Variants in KCTD5 observed in about 807,000 individuals in gnomAD.
KCTD5 encodes BTB/POZ domain-containing protein KCTD5.
A neutral mutation model predicts 27.9 loss-of-function variants in KCTD5; 12 were observed. The ratio of observed to expected loss-of-function variants is 0.43; its 90% confidence interval spans 0.28 to 0.70. The LOEUF is 0.70. Ranked by LOEUF, KCTD5 falls within the 30% of genes least tolerant of loss-of-function variation. The pLI, the probability that KCTD5 is intolerant of heterozygous loss-of-function variation, is 0.19. For missense variants in KCTD5, 226 were observed against 274.8 expected (o/e 0.82, Z 1.26); for synonymous variants, 147 against 121.4 (o/e 1.21, Z -1.39).
chr16:2,699,947 C>T (rs2067603813), intron 4 of KCTD5, 31 bp downstream of exon 4: 1 of 1,587,654 alleles, frequency 6.3e-7, no homozygotes. Context: ...TGGTGGCAGC[C>T]ATGCTGCAGC....
chr16:2,696,620 G>T (rs1284191807), intron 2 of KCTD5, among the ~76,000 whole-genome samples: 1 of 152,176 alleles, frequency 6.6e-6, no homozygotes, highest in African/African-American at 2.4e-5. Flanking sequence ...TCGAGGCCTC[G>T]CCGTGAAGGC....
intron 5 of KCTD5, among the ~76,000 whole-genome samples, chr16:2,704,100 C>T (rs994609803): frequency 1.3e-5 from 2 of 152,218 alleles, no homozygotes; most frequent in African/African-American, 2.4e-5. Flanking sequence ...AGGCATGACC[C>T]CAAATCCCTT....
chr16:2,700,677 C>T (rs2067607662), intron 4 of KCTD5, among the ~76,000 whole-genome samples: 1 of 152,348 alleles, frequency 6.6e-6, no homozygotes, highest in South Asian at 2.1e-4. Flanking sequence ...GGGGCAGGTT[C>T]TGTCCATGGC....
At chr16:2,687,358 C>A (rs1487782570) in intron 1 of KCTD5, among the ~76,000 whole-genome samples, 2 of 152,234 alleles carry the variant, frequency 1.3e-5, no homozygotes, top group African/African-American at 2.4e-5. Context: ...GCATTCTCGC[C>A]TCCAGACTTC....
intron 3 of KCTD5, 30 bp downstream of exon 3, chr16:2,698,027 G>T: frequency 6.6e-7 from 1 of 1,522,638 alleles, no homozygotes; most frequent in Non-Finnish European, 9.1e-7. Flanking sequence ...CTGGAAGCTT[G>T]TATGGCTGGT....
Position 2,707,278 on chromosome 16 carries a change from A to T in KCTD5, c.676-20A>T. On this transcript the variant is annotated intron_variant, in intron 5 of 5. Transcript: ENST00000301738. ...CCTCCTCAGCCCAAGTCCTCATTTT[A>T]TGCATTTGGTGTTTTTCAGATTTTG... is the stretch of plus-strand genomic sequence containing the variant. 5 of 1,612,152 alleles carry T rather than the reference A, an allele frequency of 3.1e-6. No homozygotes were observed. Among genetic ancestry groups the T allele is most frequent in the Non-Finnish European group, 4.2e-6 (5 of 1,178,402 alleles).
intron 1 of KCTD5, among the ~76,000 whole-genome samples, chr16:2,687,547 A>G (rs1187809760): frequency 6.6e-6 from 1 of 152,246 alleles, no homozygotes; most frequent in Non-Finnish European, 1.5e-5. Flanking sequence ...GAATGCAGAG[A>G]TGCCCATTTG....
At chr16:2,704,711 T>C (rs2067627333) in intron 5 of KCTD5, among the ~76,000 whole-genome samples, 1 of 152,124 alleles carries the variant, frequency 6.6e-6, no homozygotes, top group Non-Finnish European at 1.5e-5. Flanking sequence ...GATGGGTGCA[T>C]CCACCGCCTG....
At chr16:2,700,900 T>C (rs2067609028) in intron 4 of KCTD5, among the ~76,000 whole-genome samples, 1 of 151,358 alleles carries the variant, frequency 6.6e-6, no homozygotes, top group Non-Finnish European at 1.5e-5. Flanking sequence ...GTCTCTGTGC[T>C]GACAGGGCTG....
Position 2,683,043 on chromosome 16 carries a change from G to A in KCTD5, c.252+243G>A, listed in dbSNP as rs2142049913. ...TGAGGATCCTGAGTCGATTCACCTT[G>A]GGGGTGTCTCTTCCTCGCCCTCTTT... On this transcript the variant is annotated intron_variant, in intron 1 of 5. Transcript: ENST00000301738. 3 of 476,618 alleles carry A rather than the reference G, an allele frequency of 6.3e-6. No homozygotes were observed. In the South Asian group the frequency reaches 1.0e-4, roughly 16 times the overall value. 29.5% of individuals were successfully genotyped at this position (476,618 alleles called of 1,614,324 possible).
chr16:2,690,848 C>T (rs1304835197), intron 1 of KCTD5, among the ~76,000 whole-genome samples: 3 of 152,348 alleles, frequency 2.0e-5, no homozygotes, highest in East Asian at 1.9e-4. Context: ...CCATGAGCCT[C>T]GGAGTATATC....
intron 1 of KCTD5, 143 bp downstream of exon 1, chr16:2,682,943 G>C (rs56387515): frequency 0.023 from 24,298 of 1,064,222 alleles, 378 homozygotes; most frequent in South Asian, 0.027. Flanking sequence ...CTTGTCGCCA[G>C]CTCCTCCCCA....
intron 1 of KCTD5, among the ~76,000 whole-genome samples, chr16:2,690,420 A>G (rs547260786): frequency 1.8e-4 from 28 of 152,346 alleles, no homozygotes; most frequent in African/African-American, 6.7e-4. Flanking sequence ...GGCCCACTCA[A>G]TGCCAGCTTG....
chr16:2,692,188 G>T (rs1257805839), intron 1 of KCTD5, among the ~76,000 whole-genome samples: 1 of 152,230 alleles, frequency 6.6e-6, no homozygotes, highest in Non-Finnish European at 1.5e-5. Flanking sequence ...GATGTGCCCA[G>T]CCCTGCTGAT....
At position 2,682,611 on chromosome 16, in the gene KCTD5, G is replaced by T; in HGVS notation, c.63G>T (p.Gly21=). ...GGGGCGGCATCGGGGCGGGGCTGGG[G>T]GGCGGCCTGTGCCGCCGCTGCAGCG... ...PARGGIGAGL[G]GGLCRRCSAG... Residue 21 remains glycine, a synonymous_variant, in exon 1 of 6, where the codon GGG becomes GGT. Coordinates refer to ENST00000301738, the MANE Select transcript of KCTD5 (RefSeq NM_018992.4). The T allele has an allele frequency of 6.5e-7, 1 of 1,534,880 alleles. No individual in the cohort carries two copies. The highest frequency in any genetic ancestry group is 8.7e-7 in the Non-Finnish European group (1 of 1,146,364).
In KCTD5 at chr16:2,702,403, G is replaced by A. The variant is rs1047678297; in HGVS notation, c.600G>A (p.Glu200=). The A allele has an allele frequency of 4.3e-6, 7 of 1,613,396 alleles. No homozygotes were observed. In the African/African-American group the frequency reaches 8.0e-5, roughly 18 times the overall value. ...ACTATGGGAACGAAGACCAAGCCGA[G>A]TTCCTCTGTGTGGTGTCCAAGGAGC... ...SYNYGNEDQA[E]FLCVVSKELH... The change falls in exon 5 of 6, where the codon GAG becomes GAA. Residue 200 remains glutamate, a synonymous_variant. Coordinates refer to ENST00000301738, the MANE Select transcript of KCTD5 (RefSeq NM_018992.4).
chr16:2,686,790 G>A (rs1341605780), intron 1 of KCTD5, among the ~76,000 whole-genome samples: 6 of 147,660 alleles, frequency 4.1e-5, no homozygotes, highest in Non-Finnish European at 9.0e-5. Flanking sequence ...AGTTATGGAA[G>A]GAATTGTTCA....
intron 5 of KCTD5, among the ~76,000 whole-genome samples, chr16:2,705,155 G>T (rs1186844268): frequency 6.6e-6 from 1 of 152,220 alleles, no homozygotes; most frequent in Non-Finnish European, 1.5e-5. Context: ...AGGACCAGGG[G>T]CACCCAGGGA....
chr16:2,707,197 A>C (rs1285215237), intron 5 of KCTD5, 101 bp from the exon 6 acceptor site: 2 of 1,160,352 alleles, frequency 1.7e-6, no homozygotes, highest in Admixed American at 4.2e-5. Flanking sequence ...GGGCTCCCCG[A>C]GCTAACCCCA....
Sources: allele counts gnomAD v4.1 joint callset (sites outside exome capture counted in the v4.1 genomes callset), GRCh38; gene constraint gnomAD v4.1.1; transcripts MANE v1.5; gene names NCBI Gene and HGNC (gene_info 2026-07-23, HGNC 2026-07-21).